The following EHMT1 variants were observed in gnomAD, a reference collection of about 807,000 sequenced individuals.
EHMT1 encodes euchromatic histone lysine methyltransferase 1, also known as histone-lysine N-methyltransferase EHMT1.
EHMT1 carries 15 observed loss-of-function variants against 147.2 expected under a neutral mutation model. The observed-to-expected ratio is 0.10, with a 90% CI of 0.07 to 0.16. The LOEUF is 0.16. EHMT1 is among the 10% of genes least tolerant of loss of function. EHMT1 has a pLI of 1.00. For synonymous variants in EHMT1, 795 were observed against 709.6 expected, an observed-to-expected ratio of 1.12 and a Z score of -1.91; for missense variants, 1,587 against 1,772.4, an observed-to-expected ratio of 0.90 and a Z score of 1.88.
intron 3 of EHMT1, among the ~76,000 whole-genome samples, chr9:137,724,973 C>T (rs1418924736): frequency 8.1e-6 from 1 of 122,844 alleles, no homozygotes; most frequent in Non-Finnish European, 1.5e-5. Flanking sequence ...ATGGGGCATT[C>T]GTGTGGCAGA....
At chr9:137,749,989 C>T (rs1304790840) in intron 6 of EHMT1, among the ~76,000 whole-genome samples, 2 of 152,200 alleles carry the variant, frequency 1.3e-5, no homozygotes, top group Admixed American at 6.5e-5. Context: ...GCAGCATTGA[C>T]TGTTCCTGCT....
intron 1 of EHMT1, 29 bp from the exon 2 acceptor site, chr9:137,710,938 G>C (rs369464227): frequency 1.3e-6 from 2 of 1,580,922 alleles, no homozygotes; most frequent in South Asian, 2.3e-5. Context: ...CACTGAACCC[G>C]GCTGACGGCT....
intron 1 of EHMT1, among the ~76,000 whole-genome samples, chr9:137,653,279 C>T (rs1010856323): frequency 1.3e-5 from 2 of 152,126 alleles, no homozygotes; most frequent in African/African-American, 2.4e-5. Context: ...TTCCTGTCGC[C>T]TGCAGTATTC....
intron 1 of EHMT1, 29 bp from the exon 2 acceptor site, chr9:137,710,938 G>GGCT (rs1564618571): frequency 6.3e-7 from 1 of 1,580,922 alleles, no homozygotes; most frequent in Admixed American, 1.8e-5. Context: ...CACTGAACCC[G>GGCT]GCTGACGGCT....
At chr9:137,800,825 C>T in intron 17 of EHMT1, 55 bp from the exon 18 acceptor site, 1 of 1,539,440 alleles carries the variant, frequency 6.5e-7, no homozygotes, top group Non-Finnish European at 9.0e-7. Context: ...GTCCTCATTG[C>T]TCTGGTGGTT....
chr9:137,831,006 T>C (rs1956150634), intron 25 of EHMT1, among the ~76,000 whole-genome samples: 1 of 152,136 alleles, frequency 6.6e-6, no homozygotes, highest in Non-Finnish European at 1.5e-5. Flanking sequence ...GTAGATCTGG[T>C]GTCTGGGGAG....
At chr9:137,695,695 C>A (rs757868588) in intron 1 of EHMT1, among the ~76,000 whole-genome samples, 4 of 152,198 alleles carry the variant, frequency 2.6e-5, no homozygotes, top group Non-Finnish European at 5.9e-5. Flanking sequence ...GGCGTGGGCC[C>A]CTCACACACA....
chr9:137,792,051 A>G, intron 16 of EHMT1: 1 of 461,344 alleles, frequency 2.2e-6, no homozygotes, highest in South Asian at 1.6e-5. Flanking sequence ...TTTTTTTTTT[A>G]CAGATACAGA....
At chr9:137,698,008 T>C (rs3003364) in intron 1 of EHMT1, among the ~76,000 whole-genome samples, 3,652 of 128,684 alleles carry the variant, frequency 0.028, 110 homozygotes, top group African/African-American at 0.1. Flanking sequence ...GTGAGGGCGG[T>C]GTGGCTCGCG....
intron 1 of EHMT1, among the ~76,000 whole-genome samples, chr9:137,659,009 T>C (rs1174268460): frequency 6.6e-6 from 1 of 152,192 alleles, no homozygotes; most frequent in East Asian, 1.9e-4. Flanking sequence ...CCACATCCTC[T>C]TTCCTTGAGT....
intron 1 of EHMT1, among the ~76,000 whole-genome samples, chr9:137,650,126 T>G (rs887992739): frequency 6.6e-5 from 10 of 151,954 alleles, no homozygotes; most frequent in African/African-American, 2.4e-4. Context: ...TGAGACAGGG[T>G]CTCACCCTGT....
chr9:137,649,846 A>G (rs1845181441), intron 1 of EHMT1, among the ~76,000 whole-genome samples: 1 of 152,194 alleles, frequency 6.6e-6, no homozygotes, highest in Admixed American at 6.5e-5. Flanking sequence ...AAAAGATAAA[A>G]ATAAATTTAG....
intron 25 of EHMT1, among the ~76,000 whole-genome samples, 191 bp downstream of exon 25, chr9:137,818,329 C>A (rs1230933459): frequency 1.3e-5 from 2 of 152,150 alleles, no homozygotes; most frequent in Non-Finnish European, 2.9e-5. Flanking sequence ...GAGGGAGGGA[C>A]CTCTGACTTG....
chr9:137,672,732 G>C (rs1940823115), intron 1 of EHMT1, among the ~76,000 whole-genome samples: 1 of 152,182 alleles, frequency 6.6e-6, no homozygotes, highest in South Asian at 2.1e-4. Flanking sequence ...CTTCAAAATA[G>C]TCAACTCCTT....
chr9:137,763,141 G>A (rs537995112), intron 10 of EHMT1: 2 of 554,380 alleles, frequency 3.6e-6, no homozygotes, highest in Admixed American at 3.1e-5. Flanking sequence ...AGTAGATTGA[G>A]GCAGGATAGT....
At chr9:137,816,122 G>T in intron 23 of EHMT1, 60 bp downstream of exon 23, 1 of 1,464,348 alleles carries the variant, frequency 6.8e-7, no homozygotes. Context: ...GTATTAGCAC[G>T]GAGGTCACCC....
chr9:137,747,276 G>C (rs1357965211), intron 6 of EHMT1: 2 of 152,054 alleles, frequency 1.3e-5, no homozygotes, highest in Non-Finnish European at 2.9e-5. Flanking sequence ...TCCTGCCTCA[G>C]CCTCCCGAGT....
Position 137,789,950 on chromosome 9 carries a change from G to A in EHMT1, c.2383-898G>A, listed in dbSNP as rs377313735. Among the ~76,000 whole-genome samples, 64 of 152,302 alleles carry A rather than the reference G, an allele frequency of 4.2e-4. No homozygotes were observed. The East Asian group carries it at 0.011, about 27-fold the overall frequency. Reference sequence around the variant, plus strand: ...TCACCATGTTGGCCAGGCTGGTCTCGAACGCCTGACCTCAGGTGATCCACC... The same window carrying A: ...TCACCATGTTGGCCAGGCTGGTCTCAAACGCCTGACCTCAGGTGATCCACC... On this transcript the variant is annotated intron_variant, in intron 15 of 26. Coordinates refer to ENST00000460843, the MANE Select transcript of EHMT1 (RefSeq NM_024757.5).
At chr9:137,624,265 T>C (rs915950910) in intron 1 of EHMT1, among the ~76,000 whole-genome samples, 1 of 150,932 alleles carries the variant, frequency 6.6e-6, no homozygotes, top group Non-Finnish European at 1.5e-5. Flanking sequence ...CCTTTCAAAG[T>C]GCTAGGATTA....
Sources: gnomAD v4.1 joint callset for allele counts (sites outside exome capture counted in the v4.1 genomes callset) on GRCh38, gnomAD v4.1.1 for gene constraint, MANE v1.5 for transcripts, NCBI Gene and HGNC (gene_info 2026-07-23, HGNC 2026-07-21) for gene names.